Variants in PGBD2 observed in about 807,000 individuals in gnomAD.
PGBD2 encodes piggyBac transposable element derived 2.
In PGBD2, 6 loss-of-function variants were observed where a neutral mutation model predicts 8.1. That is an observed-to-expected ratio of 0.74 (90% CI 0.40 to 1.46). PGBD2 has a LOEUF of 1.46. PGBD2 is among the 40% of genes most tolerant of loss of function. The pLI, the probability that PGBD2 is intolerant of heterozygous loss-of-function variation, is 0.02. For missense variants in PGBD2, 802 were observed against 739.0 expected (o/e 1.09, Z -0.99); for synonymous variants, 318 against 272.2 (o/e 1.17, Z -1.66).
the PGBD2 span, among the ~76,000 whole-genome samples, chr1:248,900,106 A>AG: frequency 6.6e-6 from 1 of 151,762 alleles, no homozygotes; most frequent in African/African-American, 2.4e-5. Context: ...CCAAAAAAAA[A>AG]AAAAAAAAAA....
the PGBD2 span, among the ~76,000 whole-genome samples, chr1:248,874,692 T>C: frequency 2.6e-5 from 4 of 152,174 alleles, 1 homozygote; most frequent in Non-Finnish European, 5.9e-5. Context: ...CCTAGCTCCT[T>C]AACGACGCTT....
chr1:248,886,080 G>T, the PGBD2 span, among the ~76,000 whole-genome samples: 1 of 152,100 alleles, frequency 6.6e-6, no homozygotes, highest in African/African-American at 2.4e-5. Context: ...GCAAATAATG[G>T]TTACCAAAGA....
At chr1:248,874,350 G>A in the PGBD2 span, among the ~76,000 whole-genome samples, 5 of 152,186 alleles carry the variant, frequency 3.3e-5, no homozygotes, top group African/African-American at 7.2e-5. Flanking sequence ...TTGCCGCAGG[G>A]CTAACCATAG....
rs770723099 is a variant in PGBD2 at position 248,917,522 on chromosome 1, A to T, written c.938A>T (p.Gln313Leu). 4 of 1,614,196 alleles carry T rather than the reference A, an allele frequency of 2.5e-6. No homozygotes were observed. The South Asian group carries it at 4.4e-5, about 18-fold the overall frequency. Residue 313 changes from glutamine to leucine, a missense_variant, in exon 3 of 3, where the codon CAG (glutamine) becomes CTG (leucine). Gln to Leu is a moderately radical substitution (Grantham distance 113). Transcript: ENST00000329291. ...TACTTGGTGTGGTTTGAGCCCTCAC[A>T]GGGCACACTGTTTACCAAGCCAGAC... ...RGYLVWFEPS[Q>L]GTLFTKPDRS...
the PGBD2 span, among the ~76,000 whole-genome samples, chr1:248,896,536 C>A: frequency 6.6e-6 from 1 of 152,102 alleles, no homozygotes; most frequent in Non-Finnish European, 1.5e-5. Context: ...CCTCAAGCTC[C>A]TGGGCTCAAG....
At chr1:248,927,831 G>T in the PGBD2 span, among the ~76,000 whole-genome samples, 1,377 of 152,262 alleles carry the variant, frequency 9.0e-3, 26 homozygotes, top group African/African-American at 0.032. Flanking sequence ...ATAGATAGAT[G>T]ATAGGCAGGT....
intron 2 of PGBD2, chr1:248,914,361 C>T (rs2103112458): frequency 1.0e-6 from 1 of 967,830 alleles, no homozygotes; most frequent in South Asian, 4.8e-5. Context: ...GGCTGCTGTA[C>T]CCCTTACTCC....
intron 2 of PGBD2, among the ~76,000 whole-genome samples, chr1:248,916,339 A>G (rs1662096899): frequency 6.6e-6 from 1 of 152,150 alleles, no homozygotes; most frequent in African/African-American, 2.4e-5. Context: ...GCTTGAACCC[A>G]GGAGGCGGAG....
At chr1:248,928,340 A>G in the PGBD2 span, among the ~76,000 whole-genome samples, 1 of 152,156 alleles carries the variant, frequency 6.6e-6, no homozygotes, top group Non-Finnish European at 1.5e-5. Context: ...TGAAATTCTG[A>G]AATCCTTTTA....
the PGBD2 span, among the ~76,000 whole-genome samples, chr1:248,889,187 C>G: frequency 1.3e-5 from 2 of 152,156 alleles, no homozygotes; most frequent in African/African-American, 4.8e-5. Flanking sequence ...GAGTTCGAGA[C>G]CAGCCTGGCC....
At position 248,917,375 on chromosome 1, in the gene PGBD2, A is replaced by T. The variant is rs1284478713; in HGVS notation, c.791A>T (p.Glu264Val). 1 of 1,614,182 alleles carries T rather than the reference A, an allele frequency of 6.2e-7. No homozygotes were observed. The highest frequency in any genetic ancestry group is 1.7e-5 in the Admixed American group (1 of 60,026). Reference sequence around the variant, plus strand: ...TTCCAGAAGCATGCACCCTTGGAAGAGTTCTACAGCTTTGGCGAGTCTATG... The same window carrying T: ...TTCCAGAAGCATGCACCCTTGGAAGTGTTCTACAGCTTTGGCGAGTCTATG... ...CNFQKHAPLE[E>V]FYSFGESMCE... The change falls in exon 3 of 3, where the codon GAG (glutamate) becomes GTG (valine). Residue 264 changes from glutamate to valine, a missense_variant. By Grantham distance (121) the Glu-to-Val change is moderately radical. Coordinates refer to ENST00000329291, the MANE Select transcript of PGBD2 (RefSeq NM_170725.3).
chr1:248,924,997 A>G, the PGBD2 span, among the ~76,000 whole-genome samples: 2 of 152,116 alleles, frequency 1.3e-5, no homozygotes, highest in African/African-American at 4.8e-5. Flanking sequence ...AGGGGATTTA[A>G]TTCTAACGGA....
chr1:248,873,307 C>T, the PGBD2 span, among the ~76,000 whole-genome samples: 1 of 152,222 alleles, frequency 6.6e-6, no homozygotes, highest in African/African-American at 2.4e-5. Flanking sequence ...CGCATCAGGC[C>T]CCTCTGACCT....
chr1:248,916,974 T>C lies in PGBD2; in HGVS notation c.390T>C (p.His130=), dbSNP rs145642310. 1 of 1,612,614 alleles carries C rather than the reference T, an allele frequency of 6.2e-7. No homozygotes were observed. Among genetic ancestry groups the C allele is most frequent in the Non-Finnish European group, 8.5e-7 (1 of 1,179,608 alleles). Residue 130 remains histidine (H), a synonymous_variant, in exon 3 of 3, where the codon CAT becomes CAC. Coordinates refer to ENST00000329291, the MANE Select transcript of PGBD2 (RefSeq NM_170725.3). ...GCAGTTGGACTGCATCAGATCCTCA[T>C]ATTGAGGATCTGAAAAGCCAAGAGC... is the stretch of plus-strand genomic sequence containing the variant. The part of the protein sequence containing the change: ...DFGSWTASDP[H]IEDLKSQELS...
Position 248,916,625 on chromosome 1 carries a change from T to C in PGBD2, c.41T>C (p.Ile14Thr). 1 of 1,614,100 alleles carries C rather than the reference T, an allele frequency of 6.2e-7. No individual in the cohort carries two copies. Among genetic ancestry groups the C allele is most frequent in the African/African-American group, 1.3e-5 (1 of 75,040 alleles). The stretch of plus-strand genomic sequence containing the variant: ...AGAGATGTCATTGCTGGGAGAGGTA[T>C]CCACTCAAAGGTGAAGTCTGCAAAG... ...TSRDVIAGRG[I>T]HSKVKSAKLL... is the part of the protein sequence containing the mutation. The change falls in exon 3 of 3, where the codon ATC (isoleucine) becomes ACC (threonine). Residue 14 changes from isoleucine to threonine, a missense_variant. Ile to Thr is a moderately conservative substitution (Grantham distance 89). Transcript: ENST00000329291.
the PGBD2 span, among the ~76,000 whole-genome samples, chr1:248,882,449 A>G: frequency 7.9e-5 from 12 of 152,210 alleles, no homozygotes; most frequent in South Asian, 2.1e-4. Context: ...GATTAGCAAG[A>G]TATTAATCAG....
At chr1:248,898,070 A>G in the PGBD2 span, among the ~76,000 whole-genome samples, 1 of 152,224 alleles carries the variant, frequency 6.6e-6, no homozygotes, top group African/African-American at 2.4e-5. Flanking sequence ...TTTAATGGAC[A>G]GAACTCTGAT....
chr1:248,882,987 A>G, the PGBD2 span, among the ~76,000 whole-genome samples: 3 of 152,214 alleles, frequency 2.0e-5, no homozygotes, highest in African/African-American at 7.2e-5. Flanking sequence ...CCAGAGCCTT[A>G]AAAAAATGGT....
upstream of PGBD2, among the ~76,000 whole-genome samples, chr1:248,905,055 C>T (rs1020872999): frequency 2.0e-5 from 3 of 152,150 alleles, no homozygotes; most frequent in Admixed American, 6.5e-5. Context: ...TTAGAAACAC[C>T]ACCCTACCTT....
Sources: allele counts gnomAD v4.1 joint callset (sites outside exome capture counted in the v4.1 genomes callset), GRCh38; gene constraint gnomAD v4.1.1; transcripts MANE v1.5; gene names NCBI Gene and HGNC (gene_info 2026-07-23, HGNC 2026-07-21).